Variants in NCALD observed in about 807,000 individuals in gnomAD.
NCALD encodes neurocalcin-delta.
A neutral mutation model predicts 18.6 loss-of-function variants in NCALD; 10 were observed. That is an observed-to-expected ratio of 0.54 (90% CI 0.33 to 0.91). The LOEUF (loss-of-function observed/expected upper bound fraction) is 0.91, where lower values mean the gene tolerates loss of function less well. Ranked by LOEUF, NCALD falls within the 40% of genes least tolerant of loss-of-function variation. The pLI is 0.03. For missense variants in NCALD, 184 were observed against 247.6 expected, an observed-to-expected ratio of 0.74 and a Z score of 1.72; for synonymous variants, 88 against 87.4, an observed-to-expected ratio of 1.01 and a Z score of -0.04.
intron 4 of NCALD, among the ~76,000 whole-genome samples, chr8:101,813,512 T>C (rs1411393457): frequency 6.6e-6 from 1 of 152,182 alleles, no homozygotes; most frequent in Admixed American, 6.6e-5. Flanking sequence ...TTGAAACCTA[T>C]GTCATTTGAT....
intron 2 of NCALD, among the ~76,000 whole-genome samples, chr8:101,952,906 G>A (rs1272981422): frequency 1.3e-5 from 2 of 152,140 alleles, no homozygotes; most frequent in African/African-American, 4.8e-5. Context: ...GCTGTCAGAG[G>A]CAATAGCAAG....
chr8:102,066,058 A>T (rs1823998249), intron 1 of NCALD, among the ~76,000 whole-genome samples: 1 of 152,194 alleles, frequency 6.6e-6, no homozygotes, highest in Non-Finnish European at 1.5e-5. Context: ...CCCAACTCAC[A>T]GCGCTAACAA....
At chr8:101,820,718 C>T (rs909081410) in intron 4 of NCALD, among the ~76,000 whole-genome samples, 2 of 152,304 alleles carry the variant, frequency 1.3e-5, no homozygotes. Flanking sequence ...CATGACATGG[C>T]TAATTCCAAA....
intron 1 of NCALD, among the ~76,000 whole-genome samples, chr8:102,081,981 G>A (rs1462835643): frequency 1.3e-5 from 2 of 152,132 alleles, no homozygotes; most frequent in African/African-American, 2.4e-5. Flanking sequence ...AATGAAAAGA[G>A]CAGAGTTGAG....
intron 1 of NCALD, among the ~76,000 whole-genome samples, chr8:101,729,623 T>C (rs1816727842): frequency 6.6e-6 from 1 of 152,084 alleles, no homozygotes; most frequent in Non-Finnish European, 1.5e-5. Flanking sequence ...ACTGAAATGG[T>C]ACAAAAAAAT....
At chr8:101,976,155 G>A (rs550597573) in intron 2 of NCALD, among the ~76,000 whole-genome samples, 3 of 152,204 alleles carry the variant, frequency 2.0e-5, no homozygotes, top group Non-Finnish European at 4.4e-5. Context: ...CAGGACTAGA[G>A]GGAGTAAAGG....
chr8:102,078,000 G>A (rs559405662), intron 1 of NCALD, among the ~76,000 whole-genome samples: 3 of 152,108 alleles, frequency 2.0e-5, no homozygotes, highest in Non-Finnish European at 4.4e-5. Flanking sequence ...CCAAGTAGCT[G>A]CTTGACAGAT....
intron 1 of NCALD, among the ~76,000 whole-genome samples, chr8:102,100,527 A>T (rs1216331538): frequency 6.6e-6 from 1 of 152,234 alleles, no homozygotes; most frequent in Non-Finnish European, 1.5e-5. Context: ...CTGGAGTTAC[A>T]AGAGCAGAGC....
At chr8:101,787,411 A>G (rs945768093) in intron 1 of NCALD, among the ~76,000 whole-genome samples, 1 of 152,194 alleles carries the variant, frequency 6.6e-6, no homozygotes. Context: ...ATTTGGATTG[A>G]ATTTAAACAA....
chr8:101,957,289 GTTTT>G (rs11305701), intron 2 of NCALD, among the ~76,000 whole-genome samples: 10 of 99,504 alleles, frequency 1.0e-4, no homozygotes, highest in African/African-American at 2.8e-4. Context: ...AAAAGTTGGG[GTTTT>G]TTTTTTTTTT....
At chr8:101,805,484 T>C (rs1472471022) in intron 4 of NCALD, among the ~76,000 whole-genome samples, 2 of 152,212 alleles carry the variant, frequency 1.3e-5, no homozygotes, top group African/African-American at 4.8e-5. Context: ...CCAGGGCTCG[T>C]ATTGCCCTCA....
intron 1 of NCALD, among the ~76,000 whole-genome samples, chr8:102,024,302 T>C (rs1822381010): frequency 6.6e-6 from 1 of 152,202 alleles, no homozygotes; most frequent in African/African-American, 2.4e-5. Flanking sequence ...CTGTCAGTTG[T>C]AAAATGCAAG....
chr8:102,087,255 G>A (rs1246130423), intron 1 of NCALD, among the ~76,000 whole-genome samples: 1 of 152,154 alleles, frequency 6.6e-6, no homozygotes, highest in Non-Finnish European at 1.5e-5. Context: ...CCATGGAAGG[G>A]ACTGTAGTGA....
intron 2 of NCALD, among the ~76,000 whole-genome samples, chr8:101,978,531 A>G (rs775644515): frequency 3.3e-5 from 5 of 152,246 alleles, no homozygotes; most frequent in African/African-American, 4.8e-5. Context: ...AATAAATGGA[A>G]GACCTGGGAG....
At chr8:101,720,331 T>A (rs1432600836) in intron 1 of NCALD, among the ~76,000 whole-genome samples, 1 of 152,224 alleles carries the variant, frequency 6.6e-6, no homozygotes, top group African/African-American at 2.4e-5. Flanking sequence ...GCTTATAAAA[T>A]AGGTCAAATG....
chr8:101,959,247 T>G (rs747380852), intron 2 of NCALD, among the ~76,000 whole-genome samples: 1 of 152,148 alleles, frequency 6.6e-6, no homozygotes, highest in African/African-American at 2.4e-5. Context: ...GCCCTCAATT[T>G]GAGTTTTTCT....
At chr8:102,008,783 C>T (rs1326238109) in intron 2 of NCALD, among the ~76,000 whole-genome samples, 3 of 152,172 alleles carry the variant, frequency 2.0e-5, no homozygotes, top group African/African-American at 4.8e-5. Context: ...CTGATTCTTA[C>T]TGCTTCTTTG....
chr8:102,017,720 G>A (rs1488658115), intron 2 of NCALD, among the ~76,000 whole-genome samples: 1 of 151,982 alleles, frequency 6.6e-6, no homozygotes, highest in Non-Finnish European at 1.5e-5. Context: ...ACAAAACAAA[G>A]TACTCTTCCA....
intron 2 of NCALD, among the ~76,000 whole-genome samples, chr8:101,983,279 G>A (rs1298858158): frequency 3.3e-5 from 5 of 152,112 alleles, no homozygotes; most frequent in South Asian, 4.1e-4. Flanking sequence ...GGGCTCTGCC[G>A]AGGGCTTATT....
Sources: gnomAD v4.1 joint callset for allele counts (sites outside exome capture counted in the v4.1 genomes callset) on GRCh38, gnomAD v4.1.1 for gene constraint, MANE v1.5 for transcripts, NCBI Gene and HGNC (gene_info 2026-07-23, HGNC 2026-07-21) for gene names.